The following NFATC1 variants were observed in gnomAD, a reference collection of about 807,000 sequenced individuals.
The protein encoded by NFATC1 is nuclear factor of activated T-cells, cytoplasmic 1.
Under a neutral mutation model 76.0 loss-of-function variants are expected in NFATC1, and 22 were observed. That is an observed-to-expected ratio of 0.29 (90% CI 0.21 to 0.41). The LOEUF is 0.41. Ranked by LOEUF, NFATC1 falls within the 10% of genes least tolerant of loss-of-function variation. The probability of loss-of-function intolerance (pLI) is 1.00; values close to 1 mark genes in which losing one functional copy is unlikely to be tolerated. For missense variants in NFATC1, 1,357 were observed against 1,337.7 expected, an observed-to-expected ratio of 1.01 and a Z score of -0.23; for synonymous variants, 704 against 613.1, an observed-to-expected ratio of 1.15 and a Z score of -2.19.
chr18:79,401,248 C>T (rs981759074), intron 1 of NFATC1, among the ~76,000 whole-genome samples: 1 of 151,304 alleles, frequency 6.6e-6, no homozygotes, highest in South Asian at 2.1e-4. Flanking sequence ...CTCAAGGCCT[C>T]GTGTCTGCCC....
intron 9 of NFATC1, among the ~76,000 whole-genome samples, chr18:79,495,193 G>T (rs1600923690): frequency 6.6e-6 from 1 of 152,268 alleles, no homozygotes; most frequent in East Asian, 1.9e-4. Context: ...CGTGCAGGCT[G>T]TGAGGCCACA....
At chr18:79,430,816 C>T (rs987315079) in intron 2 of NFATC1, among the ~76,000 whole-genome samples, 1 of 152,248 alleles carries the variant, frequency 6.6e-6, no homozygotes, top group Non-Finnish European at 1.5e-5. Context: ...GGTGTGGCCA[C>T]TGCAGAGGGG....
chr18:79,484,482 A>G (rs1307024871), intron 8 of NFATC1, among the ~76,000 whole-genome samples: 5 of 151,798 alleles, frequency 3.3e-5, no homozygotes, highest in African/African-American at 1.2e-4. Context: ...GACGCTTTAA[A>G]CCTCGATGTT....
intron 9 of NFATC1, among the ~76,000 whole-genome samples, chr18:79,501,621 C>T (rs930606400): frequency 8.3e-5 from 11 of 133,166 alleles, no homozygotes; most frequent in African/African-American, 2.7e-4. Context: ...CCCCTCCCCC[C>T]GCCAAAAAGG....
intron 3 of NFATC1, among the ~76,000 whole-genome samples, chr18:79,441,973 G>A (rs1008874219): frequency 3.3e-5 from 5 of 152,136 alleles, no homozygotes; most frequent in Non-Finnish European, 7.3e-5. Context: ...TTCCAGGTGC[G>A]TTGGGGCCCC....
chr18:79,457,369 G>T (rs541327950), intron 6 of NFATC1, among the ~76,000 whole-genome samples: 20 of 152,240 alleles, frequency 1.3e-4, no homozygotes, highest in Middle Eastern at 3.4e-3. Flanking sequence ...TAGCGCTAGG[G>T]GCGACTCTCA....
chr18:79,469,327 C>T (rs933471972), intron 8 of NFATC1: 49 of 985,376 alleles, frequency 5.0e-5, no homozygotes, highest in African/African-American at 4.5e-4. Context: ...GCTCAGCATG[C>T]GGCAGTCCCC....
intron 1 of NFATC1, among the ~76,000 whole-genome samples, chr18:79,399,890 C>G (rs1449724383): frequency 6.6e-6 from 1 of 152,146 alleles, no homozygotes; most frequent in African/African-American, 2.4e-5. Context: ...ACTCCCGGGG[C>G]TCCGCAGGGC....
At chr18:79,491,629 C>T (rs545669409) in intron 9 of NFATC1, among the ~76,000 whole-genome samples, 4 of 152,314 alleles carry the variant, frequency 2.6e-5, no homozygotes, top group African/African-American at 9.6e-5. Flanking sequence ...GAAGCCCTGC[C>T]GGGTCCACTT....
intron 2 of NFATC1, among the ~76,000 whole-genome samples, chr18:79,418,265 ACAGT>A (rs982714258): frequency 6.6e-6 from 1 of 152,152 alleles, no homozygotes; most frequent in African/African-American, 2.4e-5. Flanking sequence ...CTGTCGGGTC[ACAGT>A]CAGGCGCTTA....
rs555514767 is a variant in NFATC1, at chr18:79,486,598, G to A, written c.2443G>A (p.Gly815Arg). ...AGTGGCCACGCACCCCGGCTCGCCC[G>A]GGCAGCCACCCCCGGCCCTGCTGCC... Reference protein sequence around the residue: ...RPVATHPGSPGQPPPALLPQQ... With the variant: ...RPVATHPGSPRQPPPALLPQQ... The change falls in exon 9 of 10, where the codon GGG becomes AGG. Residue 815 changes from glycine (G) to arginine (R), a missense_variant. Physicochemically the swap from Gly to Arg is moderately radical, Grantham distance 125 (BLOSUM62 -2). This residue lies in a region of NFATC1 where 424 missense variants were observed against 395.4 expected (regional missense o/e 1.07). Coordinates refer to ENST00000427363, the MANE Select transcript of NFATC1 (RefSeq NM_001278669.2). 3.0e-5 allele frequency: 48 copies of A among 1,590,792 alleles called. No individual in the cohort carries two copies. The highest frequency in any genetic ancestry group is 1.0e-4 in the Admixed American group (6 of 58,442).
chr18:79,491,626 T>C (rs1445932475), intron 9 of NFATC1, among the ~76,000 whole-genome samples: 1 of 152,198 alleles, frequency 6.6e-6, no homozygotes, highest in Non-Finnish European at 1.5e-5. Context: ...ACAGAAGCCC[T>C]GCCGGGTCCA....
chr18:79,500,346 C>G (rs921417194), intron 9 of NFATC1, among the ~76,000 whole-genome samples: 5 of 151,956 alleles, frequency 3.3e-5, no homozygotes, highest in African/African-American at 1.2e-4. Flanking sequence ...GAACTAAATG[C>G]AAATGAAAAC....
intron 9 of NFATC1, among the ~76,000 whole-genome samples, chr18:79,521,623 G>T (rs868404105): frequency 3.9e-4 from 9 of 23,306 alleles, no homozygotes; most frequent in South Asian, 1.7e-3. Flanking sequence ...TGTGTGTGTG[G>T]GGGGGGGGGC....
At chr18:79,435,374 G>A (rs1419904103) in intron 3 of NFATC1, among the ~76,000 whole-genome samples, 4 of 145,874 alleles carry the variant, frequency 2.7e-5, no homozygotes, top group Admixed American at 1.4e-4. Flanking sequence ...TTTTTGAGAC[G>A]GAGTCTCGCT....
intron 3 of NFATC1, among the ~76,000 whole-genome samples, chr18:79,442,221 C>T (rs547134142): frequency 6.6e-6 from 1 of 152,336 alleles, no homozygotes; most frequent in East Asian, 1.9e-4. Flanking sequence ...TCCGGAGAGA[C>T]GTGGAGACCC....
At chr18:79,443,558 G>A (rs62096888) in intron 3 of NFATC1, among the ~76,000 whole-genome samples, 1 of 152,202 alleles carries the variant, frequency 6.6e-6, no homozygotes, top group African/African-American at 2.4e-5. Flanking sequence ...TGCATTCACC[G>A]GTCTGAGAAT....
intron 9 of NFATC1, among the ~76,000 whole-genome samples, chr18:79,520,719 G>A (rs1247645565): frequency 4.2e-5 from 3 of 71,114 alleles, no homozygotes; most frequent in Non-Finnish European, 8.3e-5. Context: ...GTGTGTGGGG[G>A]GGGGGCATCC....
chr18:79,411,630 C>T, intron 2 of NFATC1, 129 bp downstream of exon 2: 1 of 703,470 alleles, frequency 1.4e-6, no homozygotes, highest in Non-Finnish European at 1.9e-6. Context: ...CCTGGGTGGG[C>T]AGGTGGGCTC....
Sources: allele counts gnomAD v4.1 joint callset (sites outside exome capture counted in the v4.1 genomes callset), GRCh38; gene constraint gnomAD v4.1.1; regional missense constraint gnomAD v4.1.1; transcripts MANE v1.5; gene names NCBI Gene and HGNC (gene_info 2026-07-23, HGNC 2026-07-21).